ZNF679: variants seen among roughly 807,000 people sequenced by gnomAD.
ZNF679 encodes the protein zinc finger protein 679.
In ZNF679, 10 loss-of-function variants were observed where a neutral mutation model predicts 13.4. The observed-to-expected ratio is 0.75, with a 90% CI of 0.46 to 1.27. The LOEUF is 1.27. Among genes scored for constraint, ZNF679 ranks in the 50% most tolerant of loss-of-function variants. The pLI is 0.00. For synonymous variants in ZNF679, 179 were observed against 162.5 expected, an observed-to-expected ratio of 1.10 and a Z score of -0.77; for missense variants, 525 against 477.8, an observed-to-expected ratio of 1.10 and a Z score of -0.92.
At chr7:64,258,487 G>A (rs569394730) in intron 2 of ZNF679, among the ~76,000 whole-genome samples, 101 of 152,062 alleles carry the variant, frequency 6.6e-4, no homozygotes, top group African/African-American at 2.4e-3. Context: ...TGGATCAAAA[G>A]GTCAGGAGTT....
chr7:64,254,999 C>CAA (rs71060569), intron 2 of ZNF679, among the ~76,000 whole-genome samples: 4,785 of 92,032 alleles, frequency 0.052, 218 homozygotes, highest in Admixed American at 0.098. Context: ...GACTCCATCT[C>CAA]AAAAAAAAAA....
intron 1 of ZNF679, among the ~76,000 whole-genome samples, chr7:64,230,643 C>A (rs1787626130): frequency 6.6e-6 from 1 of 151,986 alleles, no homozygotes; most frequent in African/African-American, 2.4e-5. Flanking sequence ...TTTATCCAGG[C>A]AAAATAATCA....
At chr7:64,262,258 T>A (rs1788087167) in intron 4 of ZNF679, among the ~76,000 whole-genome samples, 1 of 152,230 alleles carries the variant, frequency 6.6e-6, no homozygotes, top group Non-Finnish European at 1.5e-5. Flanking sequence ...GATTTTCAAA[T>A]ATTGTCACCC....
chr7:64,258,558 G>T (rs181587973), intron 2 of ZNF679, among the ~76,000 whole-genome samples: 1 of 151,902 alleles, frequency 6.6e-6, no homozygotes, highest in Non-Finnish European at 1.5e-5. Context: ...AAAATCAGCC[G>T]GGCGTGGTGG....
chr7:64,257,784 T>C (rs1788022325), intron 2 of ZNF679, among the ~76,000 whole-genome samples: 1 of 152,174 alleles, frequency 6.6e-6, no homozygotes, highest in Non-Finnish European at 1.5e-5. Flanking sequence ...GTGACAAATG[T>C]AGTGGGTGTA....
chr7:64,236,839 A>C (rs1787718988), intron 1 of ZNF679, among the ~76,000 whole-genome samples: 1 of 150,712 alleles, frequency 6.6e-6, no homozygotes, highest in Admixed American at 6.7e-5. Context: ...GGAAAAAAGG[A>C]GAGAAAGAAA....
rs199724540 is a variant in ZNF679, at chr7:64,240,540, G to T, written c.-90-8488G>T. On this transcript the variant is annotated intron_variant, in intron 1 of 4. Coordinates refer to ENST00000421025, the MANE Select transcript of ZNF679 (RefSeq NM_153363.3). The stretch of plus-strand genomic sequence containing the variant: ...TGTCATAACAGGACCCAGAACAAAG[G>T]TGACATTGTGACTGTCATATGCACA... Among the ~76,000 whole-genome samples the T allele has an allele frequency of 5.3e-5, 8 of 152,290 alleles. No individual in the cohort carries two copies. The East Asian group carries it at 1.2e-3, about 22-fold the overall frequency.
rs529514719 is a variant in ZNF679, at chr7:64,261,952, G to A, written c.262+1023G>A. Among the ~76,000 whole-genome samples the A allele has an allele frequency of 3.3e-5, 5 of 151,646 alleles. No individual in the cohort carries two copies. In the South Asian group the frequency reaches 1.0e-3, roughly 32 times the overall value. ...GCTCAGGGCAACCTCTGCCTCCCGG[G>A]TTCAAATGATTCTCCTGCCTCAGCC... On this transcript the variant is annotated intron_variant, in intron 4 of 4. Coordinates refer to ENST00000421025, the MANE Select transcript of ZNF679 (RefSeq NM_153363.3).
intron 1 of ZNF679, among the ~76,000 whole-genome samples, chr7:64,242,971 C>T (rs940778247): frequency 6.6e-6 from 1 of 152,124 alleles, no homozygotes; most frequent in Non-Finnish European, 1.5e-5. Context: ...ATTGTGTTGT[C>T]ATATGAGAGT....
intron 4 of ZNF679, among the ~76,000 whole-genome samples, chr7:64,263,921 T>C (rs1788109693): frequency 6.6e-6 from 1 of 152,136 alleles, no homozygotes; most frequent in South Asian, 2.1e-4. Context: ...GTTTTTTAAT[T>C]AATTTTTTAT....
intron 1 of ZNF679, among the ~76,000 whole-genome samples, chr7:64,241,169 G>A (rs1173715032): frequency 2.6e-5 from 4 of 152,250 alleles, no homozygotes; most frequent in East Asian, 1.9e-4. Context: ...TTCATACAAC[G>A]TGCATGCAAG....
chr7:64,266,271 A>G lies in ZNF679; in HGVS notation c.638A>G (p.Gln213Arg), dbSNP rs1788146893. The G allele has an allele frequency of 1.3e-6, 2 of 1,593,600 alleles. No individual in the cohort carries two copies. The highest frequency in any genetic ancestry group is 1.3e-5 in the African/African-American group (1 of 74,224). ...QIIHTRENSY[Q>R]CEECGKPFNC... Reference sequence around the variant, plus strand: ...ATTCATACTAGGGAGAATTCCTACCAATGTGAAGAATGCGGCAAACCCTTC... The same window carrying G: ...ATTCATACTAGGGAGAATTCCTACCGATGTGAAGAATGCGGCAAACCCTTC... The change falls in exon 5 of 5, where the codon CAA becomes CGA. Residue 213 changes from glutamine (Q) to arginine (R), a missense_variant. Physicochemically the swap from Gln to Arg is conservative, Grantham distance 43. Coordinates refer to ENST00000421025, the MANE Select transcript of ZNF679 (RefSeq NM_153363.3).
intron 1 of ZNF679, among the ~76,000 whole-genome samples, chr7:64,240,823 T>A (rs1245034304): frequency 6.6e-6 from 1 of 152,190 alleles, no homozygotes; most frequent in Non-Finnish European, 1.5e-5. Context: ...CTCTTGTGGA[T>A]TGAGTTCAAC....
intron 4 of ZNF679, among the ~76,000 whole-genome samples, chr7:64,261,160 T>C (rs1309364387): frequency 6.6e-6 from 1 of 152,190 alleles, no homozygotes; most frequent in Non-Finnish European, 1.5e-5. Context: ...AAGTTCACAG[T>C]GTGAGCCAAA....
chr7:64,236,973 GAAAAAGAA>G (rs1316671991), intron 1 of ZNF679, among the ~76,000 whole-genome samples: 1 of 53,640 alleles, frequency 1.9e-5, no homozygotes, highest in African/African-American at 3.9e-5. Flanking sequence ...AAGAAAGAAA[GAAAAAGAA>G]AGAAAGAAAG....
rs775986654 is a variant in ZNF679, at chr7:64,266,796, C to T, written c.1163C>T (p.Ala388Val). The stretch of plus-strand genomic sequence containing the variant: ...TACAAATGTGAAGAATGTGACAAAG[C>T]TTTTAAGTGGTCCTCAAGTCTTGCT... ...EPYKCEECDK[A>V]FKWSSSLANH... The change falls in exon 5 of 5, where the codon GCT becomes GTT. Residue 388 changes from alanine (A) to valine (V), a missense_variant. Ala to Val is a moderately conservative substitution (Grantham distance 64). Transcript: ENST00000421025. 3 of 1,607,114 alleles carry T rather than the reference C, an allele frequency of 1.9e-6. No individual in the cohort carries two copies. Among genetic ancestry groups the T allele is most frequent in the African/African-American group, 1.3e-5 (1 of 74,574 alleles).
chr7:64,234,612 C>T (rs1787683876), intron 1 of ZNF679, among the ~76,000 whole-genome samples: 1 of 152,162 alleles, frequency 6.6e-6, no homozygotes, highest in African/African-American at 2.4e-5. Context: ...AGAGCCCAGC[C>T]TGGTTGATAT....
At chr7:64,264,690 C>T (rs1369808618) in intron 4 of ZNF679, among the ~76,000 whole-genome samples, 10 of 151,982 alleles carry the variant, frequency 6.6e-5, no homozygotes, top group Non-Finnish European at 4.4e-5. Flanking sequence ...CCATTGTACA[C>T]AGTTCTTTTC....
intron 1 of ZNF679, among the ~76,000 whole-genome samples, chr7:64,240,422 G>A (rs950729344): frequency 3.8e-4 from 58 of 152,148 alleles, no homozygotes; most frequent in Admixed American, 1.3e-4. Flanking sequence ...TAGGCTTAGG[G>A]CAACAGGCAA....
Sources: gnomAD v4.1 joint callset for allele counts (sites outside exome capture counted in the v4.1 genomes callset) on GRCh38, gnomAD v4.1.1 for gene constraint, MANE v1.5 for transcripts, NCBI Gene and HGNC (gene_info 2026-07-23, HGNC 2026-07-21) for gene names.